Variants in CLRN2 observed in about 807,000 individuals in gnomAD.
The protein encoded by CLRN2 is clarin 2.
A neutral mutation model predicts 20.1 loss-of-function variants in CLRN2; 17 were observed. That is an observed-to-expected ratio of 0.85 (90% CI 0.58 to 1.27). CLRN2 has a LOEUF of 1.27. Ranked by LOEUF, CLRN2 falls within the 50% of genes most tolerant of loss-of-function variation. The probability of loss-of-function intolerance (pLI) is 0.00; values close to 1 mark genes in which losing one functional copy is unlikely to be tolerated. For synonymous variants in CLRN2, 140 were observed against 126.9 expected, an observed-to-expected ratio of 1.10 and a Z score of -0.70; for missense variants, 288 against 299.5, an observed-to-expected ratio of 0.96 and a Z score of 0.28.
At chr4:17,518,963 C>T (rs1460002437) in intron 1 of CLRN2, among the ~76,000 whole-genome samples, 1 of 152,150 alleles carries the variant, frequency 6.6e-6, no homozygotes, top group Non-Finnish European at 1.5e-5. Flanking sequence ...GAAATCGATA[C>T]ATAAAATAAT....
At chr4:17,522,579 A>C (rs1343920789) in intron 1 of CLRN2, among the ~76,000 whole-genome samples, 1 of 152,234 alleles carries the variant, frequency 6.6e-6, no homozygotes, top group Non-Finnish European at 1.5e-5. Flanking sequence ...GCATCAGTTC[A>C]CATCAGATCC....
chr4:17,517,192 C>T (rs1711699339), intron 1 of CLRN2, among the ~76,000 whole-genome samples: 1 of 152,204 alleles, frequency 6.6e-6, no homozygotes, highest in Non-Finnish European at 1.5e-5. Flanking sequence ...AGTCTTTCTT[C>T]CTGTGATATG....
chr4:17,525,923 T>C (rs912225914), intron 2 of CLRN2, among the ~76,000 whole-genome samples: 2 of 148,104 alleles, frequency 1.4e-5, no homozygotes, highest in Non-Finnish European at 3.0e-5. Context: ...TTAAGAAGCA[T>C]CATAAATGTG....
intron 1 of CLRN2, among the ~76,000 whole-genome samples, chr4:17,518,475 A>G (rs1333090295): frequency 6.6e-6 from 1 of 152,198 alleles, no homozygotes; most frequent in East Asian, 1.9e-4. Flanking sequence ...AAAGCTTAAC[A>G]TCTGGCCGGG....
At chr4:17,517,470 T>G (rs1431510889) in intron 1 of CLRN2, among the ~76,000 whole-genome samples, 1 of 152,238 alleles carries the variant, frequency 6.6e-6, no homozygotes, top group Non-Finnish European at 1.5e-5. Flanking sequence ...AGCAGTCACA[T>G]GCCAGCATTA....
chr4:17,519,191 T>C (rs186982644), intron 1 of CLRN2, among the ~76,000 whole-genome samples: 1 of 150,924 alleles, frequency 6.6e-6, no homozygotes, highest in Admixed American at 6.6e-5. Flanking sequence ...TAGATGCTGA[T>C]AGATGCATCA....
chr4:17,518,806 G>C (rs980748501), intron 1 of CLRN2, among the ~76,000 whole-genome samples: 1 of 151,708 alleles, frequency 6.6e-6, no homozygotes, highest in African/African-American at 2.4e-5. Flanking sequence ...TTTACCATCT[G>C]ATAAAGGAGA....
At chr4:17,526,215 ACTT>A (rs1339635556) in intron 2 of CLRN2, among the ~76,000 whole-genome samples, 3 of 152,182 alleles carry the variant, frequency 2.0e-5, no homozygotes, top group African/African-American at 7.2e-5. Flanking sequence ...TAGACAATGA[ACTT>A]CTCCAAACGT....
chr4:17,526,610 A>G (rs993103378), intron 2 of CLRN2, among the ~76,000 whole-genome samples: 2 of 152,196 alleles, frequency 1.3e-5, no homozygotes, highest in African/African-American at 4.8e-5. Flanking sequence ...AAGCTGATAA[A>G]GCAGATCCTC....
chr4:17,525,798 A>G (rs1711959774), intron 2 of CLRN2, among the ~76,000 whole-genome samples: 1 of 152,232 alleles, frequency 6.6e-6, no homozygotes, highest in African/African-American at 2.4e-5. Context: ...AAAGAAACAT[A>G]AAGAAAAACA....
intron 2 of CLRN2, among the ~76,000 whole-genome samples, chr4:17,524,218 G>GTGTC (rs1003154707): frequency 4.0e-5 from 6 of 151,456 alleles, no homozygotes; most frequent in African/African-American, 1.2e-4. Flanking sequence ...GTGTGTGTGT[G>GTGTC]TGTGTGTGTG....
chr4:17,519,026 G>A (rs1269062684), intron 1 of CLRN2, among the ~76,000 whole-genome samples: 2 of 152,192 alleles, frequency 1.3e-5, no homozygotes, highest in African/African-American at 4.8e-5. Flanking sequence ...TAGTTCTCTG[G>A]TTCCTCTCTA....
At position 17,521,730 on chromosome 4, in the gene CLRN2, G is replaced by A. The variant is rs1463667829; in HGVS notation, c.254-1134G>A. On this transcript the variant is annotated intron_variant, in intron 1 of 2. Coordinates refer to ENST00000511148, the MANE Select transcript of CLRN2 (RefSeq NM_001079827.2). ...CCCACCCAGGTTTCCAGTCAGGTCT[G>A]TTTGGGTAAATAAAGGATTCAAATT... Among the ~76,000 whole-genome samples the A allele has an allele frequency of 2.6e-5, 4 of 152,350 alleles. No individual in the cohort carries two copies. In the East Asian group the frequency reaches 7.7e-4, roughly 29 times the overall value.
chr4:17,516,134 T>C (rs1024538177), intron 1 of CLRN2, among the ~76,000 whole-genome samples: 2 of 152,228 alleles, frequency 1.3e-5, no homozygotes, highest in Non-Finnish European at 2.9e-5. Flanking sequence ...GGAATCAGAC[T>C]ACCCTGGCTG....
At chr4:17,525,272 T>G (rs1008261654) in intron 2 of CLRN2, among the ~76,000 whole-genome samples, 1 of 152,168 alleles carries the variant, frequency 6.6e-6, no homozygotes, top group African/African-American at 2.4e-5. Flanking sequence ...GTAGAGACTG[T>G]TTAGTCTCTA....
chr4:17,522,449 T>G (rs1711853910), intron 1 of CLRN2, among the ~76,000 whole-genome samples: 1 of 152,230 alleles, frequency 6.6e-6, no homozygotes, highest in East Asian at 1.9e-4. Flanking sequence ...CTAACTTATT[T>G]TGCCATACTC....
chr4:17,524,167 A>T (rs1169096958), intron 2 of CLRN2, among the ~76,000 whole-genome samples: 1 of 149,928 alleles, frequency 6.7e-6, no homozygotes, highest in Non-Finnish European at 1.5e-5. Flanking sequence ...CTCATTTATG[A>T]CCATCATGAC....
At chr4:17,520,442 C>T (rs74363846) in intron 1 of CLRN2, among the ~76,000 whole-genome samples, 62 of 152,212 alleles carry the variant, frequency 4.1e-4, no homozygotes, top group Non-Finnish European at 5.9e-4. Flanking sequence ...ATTTGATCCA[C>T]GCTTTGAGCA....
intron 1 of CLRN2, among the ~76,000 whole-genome samples, chr4:17,515,947 C>T (rs901782909): frequency 6.6e-6 from 1 of 152,220 alleles, no homozygotes; most frequent in Admixed American, 6.5e-5. Context: ...TACCTGAGGT[C>T]ACCCAGCCAG....
Sources: gnomAD v4.1 joint callset for allele counts (sites outside exome capture counted in the v4.1 genomes callset) on GRCh38, gnomAD v4.1.1 for gene constraint, MANE v1.5 for transcripts, NCBI Gene and HGNC (gene_info 2026-07-23, HGNC 2026-07-21) for gene names.